DALRD3: variants seen among roughly 807,000 people sequenced by gnomAD.
DALRD3 encodes DALR anticodon-binding domain-containing protein 3.
A neutral mutation model predicts 56.7 loss-of-function variants in DALRD3; 47 were observed. That is an observed-to-expected ratio of 0.83 (90% CI 0.66 to 1.06). The LOEUF (loss-of-function observed/expected upper bound fraction) is 1.06, where lower values mean the gene tolerates loss of function less well. Ranked by LOEUF, DALRD3 falls within the 50% of genes least tolerant of loss-of-function variation. The probability of loss-of-function intolerance (pLI) is 0.00; values close to 1 mark genes in which losing one functional copy is unlikely to be tolerated. For missense variants in DALRD3, 787 were observed against 724.0 expected (o/e 1.09, Z -1.00); for synonymous variants, 347 against 308.5 (o/e 1.12, Z -1.31).
rs1417277536 is a variant in DALRD3 at position 49,015,854 on chromosome 3, G to A, written c.1462C>T (p.Gln488Ter). ...RTEMICKFLVQLSMDFSSYYN... is the reference protein window; with the variant it reads ...RTEMICKFLV ...TAGGAGCTGAAATCCATGCTGAGCTGTACCAGGAACTTGCATATCTAGAGA... is the reference window on the plus strand; with the variant it reads ...TAGGAGCTGAAATCCATGCTGAGCTATACCAGGAACTTGCATATCTAGAGA... Residue 488 changes from glutamine to a stop codon, truncating the protein, a stop_gained, in exon 11 of 12, where the codon CAG (glutamine) becomes TAG (stop). Transcript: ENST00000341949. LOFTEE classifies it high-confidence loss of function. The A allele has an allele frequency of 9.9e-6, 16 of 1,614,206 alleles. No individual in the cohort carries two copies. The highest frequency in any genetic ancestry group is 1.3e-5 in the Non-Finnish European group (15 of 1,180,044).
At chr3:49,017,095 C>T in intron 5 of DALRD3, 133 bp downstream of exon 5, 1 of 1,301,798 alleles carries the variant, frequency 7.7e-7, no homozygotes, top group African/African-American at 1.5e-5. Flanking sequence ...TGTACATGCC[C>T]TCTCAAGTCC....
Position 49,016,280 on chromosome 3 carries a change from C to G in DALRD3, c.1207G>C (p.Val403Leu). The G allele has an allele frequency of 6.2e-7, 1 of 1,613,676 alleles. No individual in the cohort carries two copies. Among genetic ancestry groups the G allele is most frequent in the South Asian group, 1.1e-5 (1 of 91,076 alleles). ...STKGTKSGTF[V>L]MYNCARLATL... ...GCAAGACGGGCACAATTATACATGA[C>G]AAAGGTGCCACTCTTTGTGCCCTTC... Residue 403 changes from valine to leucine, a missense_variant, in exon 9 of 12, where the codon GTC becomes CTC. By Grantham distance (32) the Val-to-Leu change is conservative (BLOSUM62 1). Coordinates refer to ENST00000341949, the MANE Select transcript of DALRD3 (RefSeq NM_001009996.3).
At chr3:49,020,487 GCCTCGGCTCT>G (rs2093144262), upstream of DALRD3, 1 of 386,362 alleles carries the variant, frequency 2.6e-6, no homozygotes, top group Non-Finnish European at 5.4e-6. Context: ...ATGGCCACCA[GCCTCGGCTCT>G]CCCACGTCTA....
At position 49,016,323 on chromosome 3, in the gene DALRD3, A is replaced by G. The variant is rs750093850; in HGVS notation, c.1164T>C (p.Ala388=). ...APQSQLFLAL[A]DSSISTKGTK... The stretch of plus-strand genomic sequence containing the variant: ...TGCCCTTCGTGGAGATACTGCTGTC[A>G]GCCAGAGCCAGGAAGAGCTGGGGAA... Residue 388 remains alanine (A), a synonymous_variant, in exon 9 of 12, where the codon GCT becomes GCC. Coordinates refer to ENST00000341949, the MANE Select transcript of DALRD3 (RefSeq NM_001009996.3). The G allele has an allele frequency of 6.2e-7, 1 of 1,608,492 alleles. No individual in the cohort carries two copies. The highest frequency in any genetic ancestry group is 1.1e-5 in the South Asian group (1 of 90,922).
Position 49,018,038 on chromosome 3 carries a change from G to A in DALRD3, c.446C>T (p.Ala149Val). 3 of 1,487,086 alleles carry A rather than the reference G, an allele frequency of 2.0e-6. No homozygotes were observed. Among genetic ancestry groups the A allele is most frequent in the Non-Finnish European group, 2.7e-6 (3 of 1,129,186 alleles). 92.1% of individuals were successfully genotyped at this position (1,487,086 alleles called of 1,614,324 possible). A position where few individuals can be genotyped will look rare whatever the true frequency, so the allele number is the denominator to read the frequency against. ...CCCCGCTCACCCGTGAGCGCGCAGG[G>A]CTCGCGCCAGGTGATCGGCCACGAG... is the stretch of plus-strand genomic sequence containing the variant. ...TVLVADHLAR[A>V]LRAHGVCVRL... is the part of the protein sequence containing the mutation. Residue 149 changes from alanine to valine, a missense_variant, in exon 2 of 12, where the codon GCC becomes GTC. Transcript: ENST00000341949.
Position 49,017,668 on chromosome 3 carries a change from C to T in DALRD3, c.663G>A (p.Leu221=), listed in dbSNP as rs772043252. 59 of 1,614,090 alleles carry T rather than the reference C, an allele frequency of 3.7e-5. No individual in the cohort carries two copies. Among genetic ancestry groups the T allele is most frequent in the Non-Finnish European group, 4.8e-5 (57 of 1,180,046 alleles). ...CAGCTGTGCGGCCCTGTTCTTCCACCAGCTCCTTCAGACACAGTCTGCCTA... is the reference window on the plus strand; with the variant it reads ...CAGCTGTGCGGCCCTGTTCTTCCACTAGCTCCTTCAGACACAGTCTGCCTA... ...GILGRLCLKE[L]VEEQGRTAGY... The change falls in exon 3 of 12, where the codon CTG becomes CTA. Residue 221 remains leucine, a synonymous_variant. Transcript: ENST00000341949.
chr3:49,019,314 G>A (rs575060682), upstream of DALRD3, among the ~76,000 whole-genome samples: 15 of 151,758 alleles, frequency 9.9e-5, no homozygotes, highest in East Asian at 2.8e-3. Flanking sequence ...CTCGTGACCT[G>A]CCCGCCTCGG....
intron 2 of DALRD3, 72 bp downstream of exon 2, chr3:49,017,951 G>A: frequency 5.3e-6 from 8 of 1,509,330 alleles, no homozygotes; most frequent in Non-Finnish European, 7.1e-6. Flanking sequence ...CAGTCCCCAC[G>A]GGCGGCGCCG....
At chr3:49,021,150 C>A (rs1411031089), upstream of DALRD3, 1 of 153,220 alleles carries the variant, frequency 6.5e-6, no homozygotes, top group Admixed American at 6.5e-5. The surrounding 1 kb of genome is among the most constrained non-coding windows in gnomAD (Gnocchi z 4.1). Context: ...GCCGCGGGAC[C>A]CCCGGAAACC....
In DALRD3 at chr3:49,017,805, G is replaced by A. The variant is rs1559906286; in HGVS notation, c.526C>T (p.Arg176Trp). The change falls in exon 3 of 12, where the codon CGG becomes TGG. Residue 176 changes from arginine to tryptophan, a missense_variant. Physicochemically the swap from Arg to Trp is moderately radical, Grantham distance 101. Coordinates refer to ENST00000341949, the MANE Select transcript of DALRD3 (RefSeq NM_001009996.3). The stretch of plus-strand genomic sequence containing the variant: ...TCCGAGGCAGCGGGCCAGTCCACCC[G>A]CAGTTGCTGCAGGAAGGTCAGCATG... ...PHMLTFLQQL[R>W]VDWPAASERA... The A allele has an allele frequency of 2.5e-6, 4 of 1,612,466 alleles. No homozygotes were observed. Among genetic ancestry groups the A allele is most frequent in the Non-Finnish European group, 2.5e-6 (3 of 1,179,984 alleles).
upstream of DALRD3, chr3:49,020,190 G>A (rs370209295): frequency 1.0e-4 from 54 of 534,700 alleles, no homozygotes; most frequent in African/African-American, 1.0e-3. Flanking sequence ...TGGCTTCTCG[G>A]GTGCCCACTC....
chr3:49,019,054 T>C (rs1035847713), upstream of DALRD3: 34 of 984,916 alleles, frequency 3.5e-5, no homozygotes, highest in Admixed American at 6.1e-5. Flanking sequence ...TTGCAAGCAT[T>C]TTCTCGTTTG....
rs770034304 is a variant in DALRD3 at position 49,016,035 on chromosome 3, T to C, written c.1381A>G (p.Ser461Gly). The change falls in exon 10 of 12, where the codon AGC (serine) becomes GGC (glycine). Residue 461 changes from serine to glycine, a missense_variant. By Grantham distance (56) the Ser-to-Gly change is moderately conservative. Coordinates refer to ENST00000341949, the MANE Select transcript of DALRD3 (RefSeq NM_001009996.3). ...NSILPFPDLL[S>G]RTAVLDCTAP... Reference sequence around the variant, plus strand: ...GTGCAGTCCAGCACTGCTGTCCGGCTCAGCAGATCCGGAAAGGGGAGGATA... The same window carrying C: ...GTGCAGTCCAGCACTGCTGTCCGGCCCAGCAGATCCGGAAAGGGGAGGATA... The C allele has an allele frequency of 6.2e-7, 1 of 1,602,154 alleles. No individual in the cohort carries two copies. Among genetic ancestry groups the C allele is most frequent in the Non-Finnish European group, 8.5e-7 (1 of 1,171,688 alleles).
rs1253889738 is a variant in DALRD3 at position 49,017,653 on chromosome 3, G to A, written c.678C>T (p.Gly226=). The change falls in exon 3 of 12, where the codon GGC becomes GGT. Residue 226 remains glycine, a synonymous_variant. Transcript: ENST00000341949. ...LCLKELVEEQ[G]RTAGYDPNLD... is the part of the protein sequence containing the mutation. Reference sequence around the variant, plus strand: ...GGTTGGGGTCATAGCCAGCTGTGCGGCCCTGTTCTTCCACCAGCTCCTTCA... The same window carrying A: ...GGTTGGGGTCATAGCCAGCTGTGCGACCCTGTTCTTCCACCAGCTCCTTCA... The A allele has an allele frequency of 2.5e-6, 4 of 1,614,200 alleles. No homozygotes were observed. The highest frequency in any genetic ancestry group is 2.2e-5 in the East Asian group (1 of 44,884).
In DALRD3 at chr3:49,017,841, G is replaced by C. The variant is rs543609217; in HGVS notation, c.490C>G (p.Arg164Gly). ...GVCVRLVPAV[R>G]DPHMLTFLQQ... is the part of the protein sequence containing the mutation. ...AGGAAGGTCAGCATGTGCGGATCCC[G>C]CACAGCTGGCACTAGGCGCACGCAC... The change falls in exon 3 of 12, where the codon CGG becomes GGG. Residue 164 changes from arginine (R) to glycine (G), a missense_variant. By Grantham distance (125) the Arg-to-Gly change is moderately radical. Coordinates refer to ENST00000341949, the MANE Select transcript of DALRD3 (RefSeq NM_001009996.3). 1.2e-6 allele frequency: 2 copies of C among 1,605,768 alleles called. No individual in the cohort carries two copies. The highest frequency in any genetic ancestry group is 1.7e-6 in the Non-Finnish European group (2 of 1,179,562).
At chr3:49,017,404 G>A (rs1285514513) in intron 4 of DALRD3, 30 bp downstream of exon 4, 4 of 1,614,174 alleles carry the variant, frequency 2.5e-6, no homozygotes, top group East Asian at 4.5e-5. Flanking sequence ...ACTTGGTTTG[G>A]GAGAACCTAC....
upstream of DALRD3, chr3:49,019,069 A>G (rs1275916696): frequency 1.0e-6 from 1 of 980,008 alleles, no homozygotes; most frequent in Non-Finnish European, 1.2e-6. Context: ...CGTTTGAGAT[A>G]TGGGTGTTTT....
chr3:49,015,630 A>T lies in DALRD3; in HGVS notation c.1590T>A (p.Thr530=), dbSNP rs1331394729. 1 of 1,614,124 alleles carries T rather than the reference A, an allele frequency of 6.2e-7. No homozygotes were observed. The highest frequency in any genetic ancestry group is 2.2e-5 in the East Asian group (1 of 44,884). Residue 530 remains threonine, a synonymous_variant, in exon 12 of 12, where the codon ACT becomes ACA. Coordinates refer to ENST00000341949, the MANE Select transcript of DALRD3 (RefSeq NM_001009996.3). Reference sequence around the variant, plus strand: ...GAGGGAGACCCAGCATAGCCAGGCCAGTATGGAGCACCTCACGCACAGCTC... The same window carrying T: ...GAGGGAGACCCAGCATAGCCAGGCCTGTATGGAGCACCTCACGCACAGCTC... The part of the protein sequence containing the change: ...LLRAVREVLH[T]GLAMLGLPPL...
At position 49,018,404 on chromosome 3, in the gene DALRD3, C is replaced by A. The variant is rs1409311101; in HGVS notation, c.161G>T (p.Gly54Val). Residue 54 changes from glycine to valine, a missense_variant, in exon 1 of 12, where the codon GGC becomes GTC. By Grantham distance (109) the Gly-to-Val change is moderately radical (BLOSUM62 -3). Transcript: ENST00000341949. ...CCCCGCCCGGCTCACGCCCACCTGG[C>A]CGTCATCGAAGCGCGCCTGCAGCGC... ...HRALQARFDD[G>V]QVPEHLLHAL... 1.9e-6 allele frequency: 3 copies of A among 1,567,644 alleles called. No homozygotes were observed. Among genetic ancestry groups the A allele is most frequent in the Non-Finnish European group, 2.6e-6 (3 of 1,158,742 alleles).
Sources: gnomAD v4.1 joint callset for allele counts (sites outside exome capture counted in the v4.1 genomes callset) on GRCh38, gnomAD v4.1.1 for gene constraint, Gnocchi (gnomAD v3.1) non-coding constraint, MANE v1.5 for transcripts, NCBI Gene and HGNC (gene_info 2026-07-23, HGNC 2026-07-21) for gene names.